ALK: variants seen among roughly 807,000 people sequenced by gnomAD.
ALK encodes ALK tyrosine kinase receptor.
In ALK, 74 loss-of-function variants were observed where a neutral mutation model predicts 163.1. The observed-to-expected ratio is 0.45, with a 90% CI of 0.38 to 0.55. The LOEUF (loss-of-function observed/expected upper bound fraction) is 0.55. ALK is among the 20% of genes least tolerant of loss of function. ALK has a pLI of 0.00. For missense variants in ALK, 2,063 were observed against 2,105.3 expected (o/e 0.98, Z 0.39); for synonymous variants, 960 against 843.2 (o/e 1.14, Z -2.40).
chr2:29,628,503 A>G (rs1227904547), intron 3 of ALK, among the ~76,000 whole-genome samples: 1 of 152,198 alleles, frequency 6.6e-6, no homozygotes, highest in African/African-American at 2.4e-5. Flanking sequence ...CATATGGAGG[A>G]GTTTTCTTGG....
chr2:29,375,609 G>C (rs903046124), intron 5 of ALK, among the ~76,000 whole-genome samples: 1 of 152,074 alleles, frequency 6.6e-6, no homozygotes, highest in Non-Finnish European at 1.5e-5. Flanking sequence ...GAGCCACTGC[G>C]CCTGGCCTAT....
chr2:29,894,145 C>T (rs1348342337), intron 1 of ALK, among the ~76,000 whole-genome samples: 2 of 152,054 alleles, frequency 1.3e-5, no homozygotes, highest in Admixed American at 1.3e-4. Flanking sequence ...ATCAAGAAAC[C>T]CAGAGAGAAC....
intron 1 of ALK, among the ~76,000 whole-genome samples, chr2:29,814,878 T>TA: frequency 6.6e-6 from 1 of 151,846 alleles, no homozygotes; most frequent in South Asian, 2.1e-4. Flanking sequence ...TAGCAACTAG[T>TA]AAACTGTCAG....
Position 29,232,400 on chromosome 2 carries a change from C to CA in ALK, c.2535dup (p.Gly846TrpfsTer19). The CA allele has an allele frequency of 6.2e-7, 1 of 1,614,258 alleles. No homozygotes were observed. Among genetic ancestry groups the CA allele is most frequent in the Non-Finnish European group, 8.5e-7 (1 of 1,180,036 alleles). On this transcript the variant is annotated frameshift_variant, in exon 15 of 29. Coordinates refer to ENST00000389048, the MANE Select transcript of ALK (RefSeq NM_004304.5). LOFTEE classifies it high-confidence loss of function. ...TCTGTCTTGGCCCCGTAGGCCCTGC[C>CA]ACCACCTCCGGCTGCAATGATCAGG...
intron 13 of ALK, among the ~76,000 whole-genome samples, chr2:29,239,181 T>A (rs973198815): frequency 3.3e-5 from 5 of 152,178 alleles, no homozygotes; most frequent in African/African-American, 1.2e-4. Context: ...GAACTTTACT[T>A]TTCATGCTTC....
intron 25 of ALK, 34 bp from the exon 26 acceptor site, chr2:29,207,306 C>G (rs779499972): frequency 6.6e-7 from 1 of 1,524,720 alleles, no homozygotes; most frequent in African/African-American, 1.4e-5. Context: ...AAACTAGGAT[C>G]TGGAGATGGC....
intron 3 of ALK, among the ~76,000 whole-genome samples, chr2:29,605,718 C>G (rs1179427277): frequency 6.6e-6 from 1 of 152,172 alleles, no homozygotes; most frequent in African/African-American, 2.4e-5. Context: ...GCCTCCAGAA[C>G]TATGAGAAAT....
In ALK at chr2:29,920,232, A is replaced by C. The variant is rs777656583; in HGVS notation, c.428T>G (p.Leu143Arg). 61 of 1,611,714 alleles carry C rather than the reference A, an allele frequency of 3.8e-5. No individual in the cohort carries two copies. Among genetic ancestry groups the C allele is most frequent in the Non-Finnish European group, 5.1e-5 (60 of 1,179,402 alleles). Residue 143 changes from leucine to arginine, a missense_variant, in exon 1 of 29, where the codon CTG (leucine) becomes CGG (arginine). By Grantham distance (102) the Leu-to-Arg change is moderately radical (BLOSUM62 -2). Coordinates refer to ENST00000389048, the MANE Select transcript of ALK (RefSeq NM_004304.5). ...CAAGATCGCCTCCTCGCCCAGCTCC[A>C]GCACCAACTGCTTGGCACGCCGGAG... ...RKLRRAKQLV[L>R]ELGEEAILEG...
intron 5 of ALK, among the ~76,000 whole-genome samples, chr2:29,374,724 C>T (rs1668713977): frequency 6.6e-6 from 1 of 152,122 alleles, no homozygotes; most frequent in Non-Finnish European, 1.5e-5. Flanking sequence ...GAAATGCAAG[C>T]AGATCTCAGT....
At chr2:29,275,889 T>G (rs1259625903) in intron 9 of ALK, among the ~76,000 whole-genome samples, 1 of 152,050 alleles carries the variant, frequency 6.6e-6, no homozygotes, top group Admixed American at 6.6e-5. Flanking sequence ...AGGCACTGAG[T>G]TGGGGAAAAA....
intron 11 of ALK, among the ~76,000 whole-genome samples, chr2:29,256,252 G>A (rs1664946298): frequency 6.6e-6 from 1 of 152,188 alleles, no homozygotes; most frequent in Non-Finnish European, 1.5e-5. Context: ...TTCTTCCTGG[G>A]TAAGGAGTTG....
intron 12 of ALK, among the ~76,000 whole-genome samples, chr2:29,243,348 G>T (rs540239323): frequency 7.9e-5 from 12 of 152,168 alleles, no homozygotes; most frequent in Non-Finnish European, 1.5e-4. Flanking sequence ...ATTTACCCCC[G>T]CTCTGAGCCC....
chr2:29,875,695 T>C (rs951757226), intron 1 of ALK, among the ~76,000 whole-genome samples: 8 of 152,344 alleles, frequency 5.3e-5, no homozygotes, highest in South Asian at 4.1e-4. Context: ...TGGTTTTCTG[T>C]TGCTGTGTTA....
intron 23 of ALK, among the ~76,000 whole-genome samples, chr2:29,220,307 C>T (rs1054635570): frequency 6.6e-6 from 1 of 152,128 alleles, no homozygotes; most frequent in African/African-American, 2.4e-5. Context: ...CCATGTAAGA[C>T]GTGCCTCCTT....
At chr2:29,646,160 A>T (rs1676868311) in intron 3 of ALK, among the ~76,000 whole-genome samples, 2 of 152,110 alleles carry the variant, frequency 1.3e-5, no homozygotes, top group Non-Finnish European at 2.9e-5. Context: ...TCACTGACAC[A>T]AACTTGATCT....
chr2:29,507,631 C>T (rs960062254), intron 4 of ALK, among the ~76,000 whole-genome samples: 1 of 152,186 alleles, frequency 6.6e-6, no homozygotes, highest in Non-Finnish European at 1.5e-5. Flanking sequence ...CAGGGTTTGA[C>T]TAAAATTAAC....
chr2:29,677,501 G>A (rs894869474), intron 3 of ALK, among the ~76,000 whole-genome samples: 2 of 151,856 alleles, frequency 1.3e-5, no homozygotes, highest in Non-Finnish European at 2.9e-5. Context: ...GTGGATGTTG[G>A]ATTCTATCAA....
chr2:29,630,141 C>A (rs1390743581), intron 3 of ALK, among the ~76,000 whole-genome samples: 2 of 152,102 alleles, frequency 1.3e-5, no homozygotes, highest in Non-Finnish European at 2.9e-5. Flanking sequence ...TTGGAATAAG[C>A]ACGGAGGAGG....
At chr2:29,451,815 C>T (rs1670826754) in intron 4 of ALK, among the ~76,000 whole-genome samples, 2 of 152,156 alleles carry the variant, frequency 1.3e-5, no homozygotes, top group African/African-American at 2.4e-5. Flanking sequence ...CCCCTAGAAA[C>T]TAACATAATA....
Sources: gnomAD v4.1 joint callset for allele counts (sites outside exome capture counted in the v4.1 genomes callset) on GRCh38, gnomAD v4.1.1 for gene constraint, MANE v1.5 for transcripts, NCBI Gene and HGNC (gene_info 2026-07-23, HGNC 2026-07-21) for gene names.